Variants in DAB1 observed in about 807,000 individuals in gnomAD.
DAB1 encodes the protein disabled homolog 1.
In DAB1, 15 loss-of-function variants were observed where a neutral mutation model predicts 64.6. That is an observed-to-expected ratio of 0.23 (90% confidence interval 0.16 to 0.36). The LOEUF is 0.36. Ranked by LOEUF, DAB1 falls within the 10% of genes least tolerant of loss-of-function variation. DAB1 has a pLI of 1.00. For missense variants in DAB1, 596 were observed against 706.7 expected, an observed-to-expected ratio of 0.84 and a Z score of 1.78; for synonymous variants, 235 against 251.9, an observed-to-expected ratio of 0.93 and a Z score of 0.64.
intron 5 of DAB1, among the ~76,000 whole-genome samples, chr1:58,046,162 G>C (rs1647248268): frequency 6.6e-6 from 1 of 152,190 alleles, no homozygotes; most frequent in Non-Finnish European, 1.5e-5. Context: ...ACCAGAGACA[G>C]AATAAGTTTT....
chr1:58,049,632 T>C (rs1647497451), intron 5 of DAB1, among the ~76,000 whole-genome samples: 1 of 152,232 alleles, frequency 6.6e-6, no homozygotes, highest in Non-Finnish European at 1.5e-5. Context: ...CAGACTTAGA[T>C]TTGACTCTTA....
intron 5 of DAB1, among the ~76,000 whole-genome samples, chr1:57,905,987 T>C (rs1644545218): frequency 6.6e-6 from 1 of 152,210 alleles, no homozygotes; most frequent in Non-Finnish European, 1.5e-5. Context: ...TCTTCCTCAG[T>C]AACAGCATCT....
At chr1:57,234,756 T>C (rs978764574) in intron 2 of DAB1, among the ~76,000 whole-genome samples, 1 of 152,194 alleles carries the variant, frequency 6.6e-6, no homozygotes, top group Non-Finnish European at 1.5e-5. Context: ...AAAGAACCCA[T>C]TTTTAAGTTC....
At chr1:57,747,146 T>C (rs1648315087) in intron 6 of DAB1, among the ~76,000 whole-genome samples, 1 of 152,206 alleles carries the variant, frequency 6.6e-6, no homozygotes, top group African/African-American at 2.4e-5. Context: ...TAGTCTCATA[T>C]GAGTTTAATG....
At chr1:57,479,020 G>GTTGTTAATTCAGATTGTAC (rs1342016892) in intron 7 of DAB1, among the ~76,000 whole-genome samples, 3 of 151,900 alleles carry the variant, frequency 2.0e-5, no homozygotes, top group Non-Finnish European at 2.9e-5. Context: ...TCACCATATA[G>GTTGTTAATTCAGATTGTAC]TTGTTAATTC....
At chr1:58,282,867 T>C (rs1252809110) in intron 4 of DAB1, among the ~76,000 whole-genome samples, 1 of 152,200 alleles carries the variant, frequency 6.6e-6, no homozygotes, top group Non-Finnish European at 1.5e-5. Flanking sequence ...GAAGCTACCA[T>C]AGCAACAAGT....
intron 4 of DAB1, among the ~76,000 whole-genome samples, chr1:58,154,021 C>A (rs933990954): frequency 1.3e-5 from 2 of 151,692 alleles, no homozygotes; most frequent in East Asian, 1.9e-4. Flanking sequence ...TTCCTATGTG[C>A]CCTGCCTTCT....
intron 5 of DAB1, among the ~76,000 whole-genome samples, chr1:58,086,857 C>T (rs1650349952): frequency 6.6e-6 from 1 of 152,020 alleles, no homozygotes; most frequent in Admixed American, 6.6e-5. Flanking sequence ...TTCAAAAGTA[C>T]TTGCTCTTCT....
intron 9 of DAB1, among the ~76,000 whole-genome samples, chr1:57,032,081 T>C (rs1557589151): frequency 6.6e-6 from 1 of 152,180 alleles, no homozygotes; most frequent in South Asian, 2.1e-4. Flanking sequence ...TCAAGATTAG[T>C]ATACTGGTCC....
At chr1:58,364,671 T>C (rs1455879191) in intron 3 of DAB1, among the ~76,000 whole-genome samples, 2 of 152,176 alleles carry the variant, frequency 1.3e-5, no homozygotes, top group Non-Finnish European at 2.9e-5. Flanking sequence ...TATGAAATAA[T>C]AAAGGGAAGA....
At chr1:57,988,924 C>T (rs1337747739) in intron 5 of DAB1, among the ~76,000 whole-genome samples, 2 of 152,164 alleles carry the variant, frequency 1.3e-5, no homozygotes, top group African/African-American at 2.4e-5. Context: ...CCTCAACAGC[C>T]TTAGTTCTGG....
At chr1:58,167,766 AC>A (rs1424817804) in intron 4 of DAB1, among the ~76,000 whole-genome samples, 2 of 152,246 alleles carry the variant, frequency 1.3e-5, no homozygotes, top group East Asian at 3.9e-4. Flanking sequence ...CGGACGCACC[AC>A]CTTTAAGAGT....
chr1:58,363,487 T>C (rs1644186321), intron 3 of DAB1, among the ~76,000 whole-genome samples: 2 of 152,208 alleles, frequency 1.3e-5, no homozygotes, highest in Non-Finnish European at 2.9e-5. Context: ...TAAAGACAAC[T>C]GCATCTGGCC....
chr1:57,877,674 C>T lies in DAB1; in HGVS notation n.87+6325G>A, dbSNP rs1476878864. 3.7e-5 allele frequency among the ~76,000 whole-genome samples: 3 copies of T among 81,430 alleles called. 1 individual carries two copies. The highest frequency in any genetic ancestry group is 7.3e-5 in the Non-Finnish European group (3 of 41,336). 53.4% of individuals were successfully genotyped at this position (81,430 alleles called of 152,430 possible). ...TTCCCGGGTTCACGCCATTCTCCTG[C>T]CTCAGCCTCCCGAGTAGCTGGGACT... On this transcript the variant is annotated intron_variant and non_coding_transcript_variant, in intron 1 of 1. Transcript: ENST00000477280.
At chr1:57,369,374 G>T (rs1187307115) in intron 1 of DAB1, among the ~76,000 whole-genome samples, 1 of 151,896 alleles carries the variant, frequency 6.6e-6, no homozygotes, top group Non-Finnish European at 1.5e-5. Context: ...CTAAAAAGTG[G>T]AAATTTAAAA....
intron 2 of DAB1, among the ~76,000 whole-genome samples, chr1:57,275,123 A>G (rs931736715): frequency 2.0e-5 from 3 of 152,128 alleles, no homozygotes; most frequent in Non-Finnish European, 4.4e-5. Context: ...TCTCAAGAAG[A>G]TAAAGAGAAA....
intron 4 of DAB1, among the ~76,000 whole-genome samples, chr1:58,257,224 C>T (rs1429178849): frequency 6.6e-6 from 1 of 152,198 alleles, no homozygotes; most frequent in East Asian, 1.9e-4. Context: ...GCTGCAAACT[C>T]AAATGCCTTT....
At chr1:57,559,955 G>A (rs2101501669) in intron 7 of DAB1, among the ~76,000 whole-genome samples, 1 of 152,356 alleles carries the variant, frequency 6.6e-6, no homozygotes, top group South Asian at 2.1e-4. Flanking sequence ...TTTGGCCTTT[G>A]CAAAAGACAG....
At chr1:57,430,316 A>G (rs80259359) in intron 7 of DAB1, among the ~76,000 whole-genome samples, 25,261 of 152,042 alleles carry the variant, frequency 0.17, 2,303 homozygotes, top group African/African-American at 0.24. Flanking sequence ...AGTTTGTAGT[A>G]CTTGCACATG....
Sources: allele counts gnomAD v4.1 joint callset (sites outside exome capture counted in the v4.1 genomes callset), GRCh38; gene constraint gnomAD v4.1.1; transcripts MANE v1.5; gene names NCBI Gene and HGNC (gene_info 2026-07-23, HGNC 2026-07-21).